LRCH2: variants seen among roughly 807,000 people sequenced by gnomAD.
The protein encoded by LRCH2 is leucine rich repeats and calponin homology domain containing 2.
A neutral mutation model predicts 68.9 loss-of-function variants in LRCH2; 38 were observed. The ratio of observed to expected loss-of-function variants is 0.55; its 90% CI spans 0.43 to 0.72. The LOEUF is 0.72. Among genes scored for constraint, LRCH2 ranks in the 30% least tolerant of loss-of-function variants. The pLI, the probability that LRCH2 is intolerant of heterozygous loss-of-function variation, is 0.00. For synonymous variants in LRCH2, 191 were observed against 208.1 expected, an observed-to-expected ratio of 0.92 and a Z score of 0.71; for missense variants, 528 against 572.9, an observed-to-expected ratio of 0.92 and a Z score of 0.80.
intron 1 of LRCH2, among the ~76,000 whole-genome samples, chrX:115,215,993 G>T (rs1240328403): frequency 1.8e-5 from 2 of 110,662 alleles, no homozygotes; most frequent in Admixed American, 1.9e-4. Context: ...AGCAATTTTT[G>T]ATTGAAACCT....
chrX:115,206,516 G>A (rs1201811888), intron 1 of LRCH2, among the ~76,000 whole-genome samples: 2 of 112,532 alleles, frequency 1.8e-5, no homozygotes, highest in Non-Finnish European at 3.7e-5. Context: ...TGTGCCTGAA[G>A]GAGATGCTCC....
At chrX:115,126,799 C>A in intron 16 of LRCH2, 44 bp downstream of exon 16, 1 of 1,008,090 alleles carries the variant, frequency 9.9e-7, no homozygotes, top group Non-Finnish European at 1.3e-6. Context: ...ACACAGAAAA[C>A]ATACAAAACG....
chrX:115,208,189 C>T, intron 1 of LRCH2, among the ~76,000 whole-genome samples: 1 of 111,766 alleles, frequency 8.9e-6, no homozygotes, highest in East Asian at 2.8e-4. Flanking sequence ...TAATATATAC[C>T]ATAATGATAG....
chrX:115,202,931 T>C (rs2072940066), intron 1 of LRCH2, among the ~76,000 whole-genome samples: 1 of 111,746 alleles, frequency 8.9e-6, no homozygotes, highest in African/African-American at 3.3e-5. Flanking sequence ...AGTAGAAAGA[T>C]CAATGGTTGC....
In LRCH2 at chrX:115,111,753, A is replaced by G. The variant is rs782163679; in HGVS notation, c.*1463T>C. On this transcript the variant is annotated 3_prime_UTR_variant, in exon 21 of 21. Coordinates refer to ENST00000317135, the MANE Select transcript of LRCH2 (RefSeq NM_020871.4). Reference sequence around the variant, plus strand: ...TTCTATGGCTTCATGCCAACTGATCAAAAAAAGTACAGTTGTTCCTATACC... The same window carrying G: ...TTCTATGGCTTCATGCCAACTGATCGAAAAAAGTACAGTTGTTCCTATACC... 1 of 110,157 alleles carries G rather than the reference A, an allele frequency of 9.1e-6. No homozygotes were observed. The highest frequency in any genetic ancestry group is 2.8e-4 in the East Asian group (1 of 3,538). 9.1% of individuals were successfully genotyped at this position (110,157 alleles called of 1,213,427 possible). A position where few individuals can be genotyped will look rare whatever the true frequency, so the allele number is the denominator to read the frequency against.
intron 1 of LRCH2, among the ~76,000 whole-genome samples, chrX:115,203,180 T>C (rs1333162438): frequency 9.8e-5 from 11 of 111,718 alleles, no homozygotes; most frequent in African/African-American, 3.3e-4. Flanking sequence ...CACACACTTA[T>C]AAACCATCAG....
At chrX:115,189,353 C>A in intron 1 of LRCH2, 1 of 983,841 alleles carries the variant, frequency 1.0e-6, no homozygotes, top group Non-Finnish European at 1.4e-6. Context: ...CCGGTAGGAG[C>A]CGCCCTCCAC....
At chrX:115,223,372 G>A (rs142380509) in intron 1 of LRCH2, among the ~76,000 whole-genome samples, 7,208 of 110,750 alleles carry the variant, frequency 0.065, 238 homozygotes, top group Middle Eastern at 0.11. Context: ...TTGTGTTTCA[G>A]AGTAGATGAA....
At chrX:115,229,091 G>A (rs1245912695) in intron 1 of LRCH2, among the ~76,000 whole-genome samples, 1 of 111,277 alleles carries the variant, frequency 9.0e-6, no homozygotes, top group Non-Finnish European at 1.9e-5. Context: ...CCATAAGAGA[G>A]GCATGATAGC....
At chrX:115,138,013 G>A (rs1171259281) in intron 14 of LRCH2, among the ~76,000 whole-genome samples, 1 of 111,219 alleles carries the variant, frequency 9.0e-6, no homozygotes, top group Non-Finnish European at 1.9e-5. Context: ...CAGCTAAAAG[G>A]GCAGTCAGGG....
chrX:115,137,448 A>G (rs1009810341), intron 14 of LRCH2, among the ~76,000 whole-genome samples: 4 of 108,656 alleles, frequency 3.7e-5, no homozygotes, highest in Non-Finnish European at 7.6e-5. Context: ...TTTTAGAGTA[A>G]TAAAATGAGG....
intron 1 of LRCH2, among the ~76,000 whole-genome samples, chrX:115,205,456 G>A (rs2072959184): frequency 8.9e-6 from 1 of 111,752 alleles, no homozygotes; most frequent in African/African-American, 3.3e-5. Flanking sequence ...TAATAATAAA[G>A]TATAGCTTCA....
At chrX:115,117,538 A>T (rs1390741739) in intron 20 of LRCH2, among the ~76,000 whole-genome samples, 2 of 111,725 alleles carry the variant, frequency 1.8e-5, no homozygotes, top group African/African-American at 6.5e-5. Context: ...ACTGGAAACA[A>T]CCCAAATGTC....
chrX:115,117,278 G>A (rs2072090830), intron 20 of LRCH2, among the ~76,000 whole-genome samples: 1 of 111,522 alleles, frequency 9.0e-6, no homozygotes, highest in African/African-American at 3.2e-5. Flanking sequence ...AAAATTTTTA[G>A]AAGATTGATC....
At chrX:115,215,078 A>G (rs1259995003) in intron 1 of LRCH2, among the ~76,000 whole-genome samples, 1 of 112,528 alleles carries the variant, frequency 8.9e-6, no homozygotes, top group Non-Finnish European at 1.9e-5. Flanking sequence ...TTGAATAACT[A>G]TATTTTCAAG....
chrX:115,219,633 C>T (rs188676740), intron 1 of LRCH2, among the ~76,000 whole-genome samples: 1 of 111,899 alleles, frequency 8.9e-6, no homozygotes, highest in African/African-American at 3.2e-5. Flanking sequence ...AGACAACACA[C>T]ACAGTGGGTT....
intron 1 of LRCH2, among the ~76,000 whole-genome samples, chrX:115,209,758 T>A (rs1410722536): frequency 8.9e-6 from 1 of 112,056 alleles, no homozygotes; most frequent in Non-Finnish European, 1.9e-5. Flanking sequence ...ACCTGTTGAA[T>A]GGTTTTGACC....
At chrX:115,136,105 T>C (rs1603030840) in intron 14 of LRCH2, among the ~76,000 whole-genome samples, 1 of 111,032 alleles carries the variant, frequency 9.0e-6, no homozygotes, top group Non-Finnish European at 1.9e-5. Flanking sequence ...CCTGTACTGT[T>C]ACACTCATTT....
At chrX:115,165,798 G>C in intron 8 of LRCH2, 43 bp downstream of exon 8, 2 of 1,010,753 alleles carry the variant, frequency 2.0e-6, no homozygotes, top group Non-Finnish European at 2.7e-6. Context: ...TTTAATGTGG[G>C]CTATGTACAT....
Sources: gnomAD v4.1 joint callset for allele counts (sites outside exome capture counted in the v4.1 genomes callset) on GRCh38, gnomAD v4.1.1 for gene constraint, MANE v1.5 for transcripts, NCBI Gene and HGNC (gene_info 2026-07-23, HGNC 2026-07-21) for gene names.